Variants in SPAM1 observed in about 807,000 individuals in gnomAD.
SPAM1 encodes hyaluronidase PH-20.
SPAM1 carries 22 observed loss-of-function variants against 29.6 expected under a neutral mutation model. The ratio of observed to expected loss-of-function variants is 0.74; its 90% CI spans 0.53 to 1.06. The LOEUF (loss-of-function observed/expected upper bound fraction) is 1.06, where lower values mean the gene tolerates loss of function less well. SPAM1 is among the 50% of genes least tolerant of loss of function. The pLI is 0.00. For synonymous variants in SPAM1, 194 were observed against 204.6 expected, an observed-to-expected ratio of 0.95 and a Z score of 0.44; for missense variants, 534 against 604.0, an observed-to-expected ratio of 0.88 and a Z score of 1.21.
chr7:123,965,739 G>A (rs1225591452), intron 5 of SPAM1, among the ~76,000 whole-genome samples: 2 of 152,132 alleles, frequency 1.3e-5, no homozygotes, highest in East Asian at 3.9e-4. Context: ...ATAGGGTATT[G>A]CCTCCAGCTT....
At chr7:123,958,813 C>T (rs1409088639) in intron 4 of SPAM1, among the ~76,000 whole-genome samples, 4 of 149,700 alleles carry the variant, frequency 2.7e-5, no homozygotes, top group African/African-American at 9.9e-5. Flanking sequence ...GCCTGGGCAA[C>T]AGAGTAAGAC....
chr7:123,964,442 A>G (rs1213627223), downstream of SPAM1, among the ~76,000 whole-genome samples: 1 of 151,954 alleles, frequency 6.6e-6, no homozygotes, highest in Non-Finnish European at 1.5e-5. Context: ...ATATACAATT[A>G]TGTAATTTTT....
At chr7:123,937,176 C>T (rs369146580) in intron 1 of SPAM1, among the ~76,000 whole-genome samples, 2 of 152,222 alleles carry the variant, frequency 1.3e-5, no homozygotes, top group African/African-American at 2.4e-5. Flanking sequence ...AAAAGGAATC[C>T]TCTCCACACC....
At position 123,954,516 on chromosome 7, in the gene SPAM1, C is replaced by A; in HGVS notation, c.946C>A (p.Leu316Ile). The A allele has an allele frequency of 6.3e-7, 1 of 1,587,920 alleles. No homozygotes were observed. The highest frequency in any genetic ancestry group is 8.6e-7 in the Non-Finnish European group (1 of 1,160,968). ...IVFTDQVLKF[L>I]SQDELVYTFG... is the part of the protein sequence containing the mutation. ...TTTTACTGATCAAGTTTTGAAATTC[C>A]TTTCTCAAGTAAGTAAATCAGGGTA... Residue 316 changes from leucine (L) to isoleucine (I), a missense_variant, in exon 3 of 5, where the codon CTT (leucine) becomes ATT (isoleucine). Coordinates refer to ENST00000682466, the MANE Select transcript of SPAM1 (RefSeq NM_153189.3).
At chr7:123,947,128 T>C (rs1808600593) in intron 1 of SPAM1, among the ~76,000 whole-genome samples, 1 of 152,184 alleles carries the variant, frequency 6.6e-6, no homozygotes, top group Non-Finnish European at 1.5e-5. Flanking sequence ...TTAATTTGTT[T>C]TGTTAATTTT....
chr7:123,939,581 G>A (rs921037410), intron 1 of SPAM1, among the ~76,000 whole-genome samples: 6 of 152,124 alleles, frequency 3.9e-5, no homozygotes, highest in African/African-American at 1.4e-4. Context: ...TAAACTCAAA[G>A]GACATCAAAT....
chr7:123,929,190 C>A (rs1807989473), intron 1 of SPAM1, among the ~76,000 whole-genome samples: 2 of 152,100 alleles, frequency 1.3e-5, no homozygotes. Flanking sequence ...TCCACAAAAA[C>A]CTTGGCATCC....
chr7:123,967,491 T>C (rs530950312), intron 5 of SPAM1, among the ~76,000 whole-genome samples: 21 of 152,162 alleles, frequency 1.4e-4, no homozygotes, highest in African/African-American at 4.6e-4. Flanking sequence ...TGATTAGATA[T>C]TCCCTGTGAT....
chr7:123,943,852 A>T (rs1270400860), intron 1 of SPAM1, among the ~76,000 whole-genome samples: 1 of 152,196 alleles, frequency 6.6e-6, no homozygotes, highest in African/African-American at 2.4e-5. Context: ...GAGGAGACCA[A>T]ACAATAAGCC....
chr7:123,936,682 A>G (rs1808252208), intron 1 of SPAM1, among the ~76,000 whole-genome samples: 1 of 152,150 alleles, frequency 6.6e-6, no homozygotes, highest in Admixed American at 6.5e-5. Flanking sequence ...GATAAATTCT[A>G]TAAAGTTTAT....
At chr7:123,942,491 T>C (rs1221189703) in intron 1 of SPAM1, among the ~76,000 whole-genome samples, 1 of 152,240 alleles carries the variant, frequency 6.6e-6, no homozygotes, top group African/African-American at 2.4e-5. Context: ...AAATAAGTTT[T>C]AGTCTTATTA....
chr7:123,958,595 G>A (rs1310172489), intron 4 of SPAM1, among the ~76,000 whole-genome samples: 1 of 151,966 alleles, frequency 6.6e-6, no homozygotes, highest in African/African-American at 2.4e-5. Flanking sequence ...TGGAAGGATG[G>A]GGTGGGAGGA....
intron 2 of SPAM1, among the ~76,000 whole-genome samples, chr7:123,952,834 A>G (rs1256584269): frequency 6.6e-6 from 1 of 151,920 alleles, no homozygotes; most frequent in Non-Finnish European, 1.5e-5. Context: ...GGTTGATTCA[A>G]TAAATTCAAC....
downstream of SPAM1, among the ~76,000 whole-genome samples, chr7:123,962,003 G>T (rs570456499): frequency 1.3e-5 from 2 of 152,082 alleles, no homozygotes; most frequent in South Asian, 2.1e-4. Flanking sequence ...CCCACAACAC[G>T]TGGGAATTAT....
chr7:123,967,714 A>T (rs1484002214), intron 5 of SPAM1, among the ~76,000 whole-genome samples: 2 of 151,686 alleles, frequency 1.3e-5, no homozygotes, highest in Middle Eastern at 3.2e-3. Flanking sequence ...GGGAGATGGG[A>T]TTTGGGGCTG....
At chr7:123,938,858 C>G (rs954267506) in intron 1 of SPAM1, among the ~76,000 whole-genome samples, 1 of 152,148 alleles carries the variant, frequency 6.6e-6, no homozygotes, top group Non-Finnish European at 1.5e-5. Context: ...TAAACTTCAG[C>G]CTAACTTGGT....
chr7:123,941,383 C>G (rs796601576), intron 1 of SPAM1, among the ~76,000 whole-genome samples: 1 of 152,064 alleles, frequency 6.6e-6, no homozygotes, highest in Non-Finnish European at 1.5e-5. Context: ...TGTGGCAGGG[C>G]GGGACAACTT....
intron 1 of SPAM1, among the ~76,000 whole-genome samples, chr7:123,947,315 G>A (rs1051000786): frequency 4.3e-4 from 65 of 152,050 alleles, no homozygotes; most frequent in East Asian, 1.9e-4. Flanking sequence ...TTGGGAGGTC[G>A]ACGTGGCGAG....
chr7:123,947,323 G>A (rs556117969), intron 1 of SPAM1, among the ~76,000 whole-genome samples: 11 of 152,128 alleles, frequency 7.2e-5, no homozygotes, highest in South Asian at 2.1e-4. Context: ...TCGACGTGGC[G>A]AGATCACTTC....
Sources: gnomAD v4.1 joint callset for allele counts (sites outside exome capture counted in the v4.1 genomes callset) on GRCh38, gnomAD v4.1.1 for gene constraint, MANE v1.5 for transcripts, NCBI Gene and HGNC (gene_info 2026-07-23, HGNC 2026-07-21) for gene names.